The following PSMG2 variants were observed in gnomAD, a reference collection of about 807,000 sequenced individuals.
The protein encoded by PSMG2 is proteasome assembly chaperone 2.
Under a neutral mutation model 31.5 loss-of-function variants are expected in PSMG2, and 21 were observed. That is an observed-to-expected ratio of 0.67 (90% CI 0.47 to 0.96). PSMG2 has a LOEUF of 0.96. PSMG2 is among the 40% of genes least tolerant of loss of function. The pLI, the probability that PSMG2 is intolerant of heterozygous loss-of-function variation, is 0.00. For missense variants in PSMG2, 318 were observed against 321.2 expected (o/e 0.99, Z 0.08); for synonymous variants, 120 against 110.4 (o/e 1.09, Z -0.54).
At chr18:12,709,159 C>T (rs2040302441) in intron 2 of PSMG2, among the ~76,000 whole-genome samples, 1 of 152,086 alleles carries the variant, frequency 6.6e-6, no homozygotes, top group Non-Finnish European at 1.5e-5. Context: ...GATTCTCCTG[C>T]CTCAGCCTCC....
At chr18:12,724,059 C>CG (rs1224377410) in intron 5 of PSMG2, 1 of 154,894 alleles carries the variant, frequency 6.5e-6, no homozygotes, top group Non-Finnish European at 1.4e-5. Context: ...TCAGCGTTTT[C>CG]GGAAGAAGTA....
At chr18:12,699,735 G>GA (rs1182913231), upstream of PSMG2, 6 of 685,004 alleles carry the variant, frequency 8.8e-6, no homozygotes, top group East Asian at 1.5e-4. Context: ...ATTTTGGGGG[G>GA]AAAAAATGGA....
chr18:12,664,725 G>T (rs1357366514), intron 1 of PSMG2, among the ~76,000 whole-genome samples: 3 of 149,532 alleles, frequency 2.0e-5, no homozygotes, highest in Non-Finnish European at 4.4e-5. Context: ...TTAAGACGGG[G>T]TCTTGCTCTG....
intron 1 of PSMG2, among the ~76,000 whole-genome samples, chr18:12,688,972 G>T (rs1182650447): frequency 6.6e-6 from 1 of 152,146 alleles, no homozygotes; most frequent in African/African-American, 2.4e-5. Flanking sequence ...AAATTAGCCA[G>T]GCATGGTGGC....
intron 1 of PSMG2, among the ~76,000 whole-genome samples, chr18:12,703,491 G>A (rs576868203): frequency 6.6e-6 from 1 of 152,204 alleles, no homozygotes; most frequent in Admixed American, 6.5e-5. Flanking sequence ...TCTACGACTA[G>A]TTTTAGAATT....
chr18:12,702,840 C>A, upstream of PSMG2: 1 of 564,262 alleles, frequency 1.8e-6, no homozygotes. Flanking sequence ...CCCCGCGGGC[C>A]CCGCACCCCG....
At chr18:12,692,999 AT>A (rs1157487405) in intron 1 of PSMG2, among the ~76,000 whole-genome samples, 2 of 152,062 alleles carry the variant, frequency 1.3e-5, no homozygotes, top group Non-Finnish European at 2.9e-5. Context: ...ATTTTTAAAA[AT>A]TTTTGTAGAG....
chr18:12,702,367 C>T, upstream of PSMG2: 1 of 752,240 alleles, frequency 1.3e-6, no homozygotes, highest in East Asian at 2.7e-5. Flanking sequence ...GCGTTGCGCA[C>T]CCCACAATCC....
chr18:12,688,283 CTTATT>C (rs1489141576), intron 1 of PSMG2, among the ~76,000 whole-genome samples: 2 of 147,324 alleles, frequency 1.4e-5, no homozygotes, highest in African/African-American at 5.0e-5. Context: ...ATTTCTGTAA[CTTATT>C]TTAAAGTTTC....
upstream of PSMG2, chr18:12,702,505 A>T: frequency 6.2e-7 from 1 of 1,609,822 alleles, no homozygotes; most frequent in Non-Finnish European, 8.5e-7. Context: ...CTGCTGGTGG[A>T]TGAGCTGCTT....
At chr18:12,682,870 C>T (rs1236276534) in intron 1 of PSMG2, among the ~76,000 whole-genome samples, 7 of 151,964 alleles carry the variant, frequency 4.6e-5, no homozygotes, top group Admixed American at 3.3e-4. Flanking sequence ...GATCCACCCA[C>T]CTCGGCCTCC....
upstream of PSMG2, chr18:12,699,108 G>A (rs1238297240): frequency 6.2e-7 from 1 of 1,614,072 alleles, no homozygotes; most frequent in Non-Finnish European, 8.5e-7. Flanking sequence ...GAACAAACTT[G>A]TCCAGGTAAA....
chr18:12,691,325 C>T (rs1162953614), intron 1 of PSMG2: 1 of 1,394,550 alleles, frequency 7.2e-7, no homozygotes, highest in Non-Finnish European at 9.8e-7. Flanking sequence ...ATCTCAAATA[C>T]AGGCATAAAA....
In PSMG2 at chr18:12,706,304, T is replaced by C. The variant is rs1598678668; in HGVS notation, c.58-246T>C. Among the ~76,000 whole-genome samples, 7 of 152,204 alleles carry C rather than the reference T, an allele frequency of 4.6e-5. No homozygotes were observed. The South Asian group carries it at 1.4e-3, about 32-fold the overall frequency. ...GAGTTTGAGACCAGCCTGGCCAACATGGTGAAACTCCGTCTCTACTAAAAA... is the reference window on the plus strand; with the variant it reads ...GAGTTTGAGACCAGCCTGGCCAACACGGTGAAACTCCGTCTCTACTAAAAA... On this transcript the variant is annotated intron_variant, in intron 1 of 6. Coordinates refer to ENST00000317615, the MANE Select transcript of PSMG2 (RefSeq NM_020232.5).
upstream of PSMG2, chr18:12,702,778 G>C (rs370274062): frequency 1.7e-4 from 98 of 581,136 alleles, no homozygotes; most frequent in African/African-American, 1.6e-3. Context: ...GACAAACAGG[G>C]CTTGGGGCTG....
chr18:12,661,453 C>G (rs747349674), intron 1 of PSMG2: 3 of 565,662 alleles, frequency 5.3e-6, no homozygotes, highest in Non-Finnish European at 6.7e-6. Flanking sequence ...CAGCACTGTC[C>G]CATTTTCTCA....
chr18:12,663,684 T>C (rs768922259), intron 1 of PSMG2, among the ~76,000 whole-genome samples: 1 of 152,210 alleles, frequency 6.6e-6, no homozygotes, highest in African/African-American at 2.4e-5. Flanking sequence ...AAATTAAAAA[T>C]TTTCAGACTG....
At chr18:12,668,896 A>G (rs970352893) in intron 1 of PSMG2, among the ~76,000 whole-genome samples, 2 of 150,856 alleles carry the variant, frequency 1.3e-5, no homozygotes, top group East Asian at 2.0e-4. Context: ...GTGGGCTACT[A>G]TGCCTGGCTA....
At chr18:12,705,574 A>AGTGTGTGTGTGT (rs1222721405) in intron 1 of PSMG2, among the ~76,000 whole-genome samples, 223 of 135,790 alleles carry the variant, frequency 1.6e-3, no homozygotes, top group Middle Eastern at 7.4e-3. Context: ...AGAGAGAGAG[A>AGTGTGTGTGTGT]GAGTGTGTGT....
Sources: gnomAD v4.1 joint callset for allele counts (sites outside exome capture counted in the v4.1 genomes callset) on GRCh38, gnomAD v4.1.1 for gene constraint, MANE v1.5 for transcripts, NCBI Gene and HGNC (gene_info 2026-07-23, HGNC 2026-07-21) for gene names.